The following PLAC1 variants were observed in gnomAD, a reference collection of about 807,000 sequenced individuals.
The protein encoded by PLAC1 is placenta associated 1, also known as placenta-specific protein 1.
For synonymous variants in PLAC1, 68 were observed against 62.1 expected (o/e 1.09, Z -0.44); for missense variants, 136 against 163.2 (o/e 0.83, Z 0.91).
intron 2 of PLAC1, among the ~76,000 whole-genome samples, chrX:134,667,238 C>T (rs1476415533): frequency 2.7e-5 from 3 of 111,926 alleles, no homozygotes; most frequent in Non-Finnish European, 5.6e-5. Flanking sequence ...GAAGAGACCA[C>T]CCATGGAATG....
chrX:134,675,191 A>C (rs955262164), intron 2 of PLAC1, among the ~76,000 whole-genome samples: 10 of 112,319 alleles, frequency 8.9e-5, no homozygotes, highest in Admixed American at 3.8e-4. Context: ...GAGTTGGCTC[A>C]TAATTAAGAA....
intron 2 of PLAC1, among the ~76,000 whole-genome samples, chrX:134,684,160 C>G (rs1223410401): frequency 2.7e-5 from 3 of 110,850 alleles, no homozygotes; most frequent in African/African-American, 9.9e-5. Context: ...GGTAGGCTTA[C>G]CAAAGTCTCA....
At chrX:134,640,342 T>TG (rs774155693) in intron 1 of PLAC1, among the ~76,000 whole-genome samples, 1 of 111,286 alleles carries the variant, frequency 9.0e-6, no homozygotes, top group Admixed American at 9.6e-5. Context: ...GGGTTGTTTC[T>TG]GGGGGGTCCA....
At chrX:134,752,936 C>T (rs1157341272) in intron 1 of PLAC1, among the ~76,000 whole-genome samples, 1 of 111,358 alleles carries the variant, frequency 9.0e-6, no homozygotes, top group Non-Finnish European at 1.9e-5. Context: ...AAAATAACTC[C>T]CAAAGTGAGC....
At chrX:134,732,483 C>T (rs1421147450) in intron 2 of PLAC1, among the ~76,000 whole-genome samples, 1 of 111,509 alleles carries the variant, frequency 9.0e-6, no homozygotes, top group Non-Finnish European at 1.9e-5. Context: ...CACTCCTCGC[C>T]AACAGTTTGT....
At chrX:134,584,411 G>A (rs1283030632) in intron 2 of PLAC1, among the ~76,000 whole-genome samples, 1 of 111,608 alleles carries the variant, frequency 9.0e-6, no homozygotes, top group Non-Finnish European at 1.9e-5. Flanking sequence ...CCCACCAGTC[G>A]ACTTCCATTT....
At chrX:134,658,292 C>T (rs919072458) in intron 1 of PLAC1, 36 bp downstream of exon 1, 2 of 112,399 alleles carry the variant, frequency 1.8e-5, no homozygotes, top group Non-Finnish European at 3.8e-5. Flanking sequence ...CATAAAATCT[C>T]GAGAGAATGT....
At chrX:134,705,756 A>G (rs969114259) in intron 2 of PLAC1, among the ~76,000 whole-genome samples, 5 of 112,073 alleles carry the variant, frequency 4.5e-5, no homozygotes, top group Admixed American at 3.8e-4. Context: ...TACACACACA[A>G]CAGTTGTATA....
intron 2 of PLAC1, among the ~76,000 whole-genome samples, chrX:134,687,481 G>T (rs1396343438): frequency 9.1e-6 from 1 of 110,027 alleles, no homozygotes; most frequent in Non-Finnish European, 1.9e-5. Flanking sequence ...ATGTGGCCCA[G>T]GGAAGCCAAA....
At position 134,566,494 on chromosome X, in the gene PLAC1, T is replaced by C; in HGVS notation, c.189A>G (p.Pro63=). The change falls in exon 3 of 3, where the codon CCA becomes CCG. Residue 63 remains proline (P), a synonymous_variant. Coordinates refer to ENST00000359237, the MANE Select transcript of PLAC1 (RefSeq NM_021796.4). ...HELHLGLGCP[P]NHVQPHAYQF... ...GGTAGGCGTGTGGCTGAACATGGTT[T>C]GGGGGGCAACCCAGGCCCAAGTGTA... 8.3e-7 allele frequency: 1 copy of C among 1,211,830 alleles called. No individual in the cohort carries two copies. The highest frequency in any genetic ancestry group is 1.1e-6 in the Non-Finnish European group (1 of 895,384).
intron 2 of PLAC1, among the ~76,000 whole-genome samples, chrX:134,583,161 C>T (rs1482312286): frequency 9.0e-6 from 1 of 111,472 alleles, no homozygotes; most frequent in African/African-American, 3.3e-5. Flanking sequence ...CACATGGAAA[C>T]AGAGTTCATA....
chrX:134,690,299 G>C (rs1052581909), intron 2 of PLAC1, among the ~76,000 whole-genome samples: 1 of 112,300 alleles, frequency 8.9e-6, no homozygotes, highest in Admixed American at 9.4e-5. Flanking sequence ...AAAATATGAA[G>C]TTTGTGTGTT....
chrX:134,740,335 A>G (rs1465246078), intron 1 of PLAC1, among the ~76,000 whole-genome samples: 1 of 109,780 alleles, frequency 9.1e-6, no homozygotes, highest in East Asian at 2.8e-4. Flanking sequence ...AAAAAAAAAA[A>G]CTAATTCAAT....
intron 2 of PLAC1, among the ~76,000 whole-genome samples, chrX:134,693,852 G>A (rs925154769): frequency 3.6e-5 from 4 of 111,376 alleles, no homozygotes; most frequent in Non-Finnish European, 7.5e-5. Context: ...TTCTCATGGT[G>A]AGATTCTCAT....
intron 1 of PLAC1, among the ~76,000 whole-genome samples, chrX:134,609,233 C>T (rs904656246): frequency 4.5e-5 from 5 of 111,804 alleles, no homozygotes; most frequent in East Asian, 2.8e-4. Context: ...CTCATCCTCC[C>T]TCTTCAGGTC....
intron 1 of PLAC1, among the ~76,000 whole-genome samples, chrX:134,653,417 A>G (rs748575048): frequency 1.8e-5 from 2 of 112,522 alleles, no homozygotes; most frequent in African/African-American, 3.2e-5. Flanking sequence ...CCTCTGAGAC[A>G]CTTTGATTTA....
chrX:134,703,031 G>A (rs1297247854), intron 2 of PLAC1, among the ~76,000 whole-genome samples: 1 of 112,182 alleles, frequency 8.9e-6, no homozygotes, highest in East Asian at 2.8e-4. Flanking sequence ...GTGTTAAATT[G>A]TGTATAGGCA....
intron 2 of PLAC1, among the ~76,000 whole-genome samples, chrX:134,681,482 C>T (rs950595981): frequency 9.8e-5 from 11 of 111,788 alleles, no homozygotes; most frequent in African/African-American, 3.6e-4. Context: ...TGTGCACATA[C>T]ACATTCCTTA....
At chrX:134,642,183 G>A (rs757265182) in intron 1 of PLAC1, among the ~76,000 whole-genome samples, 34 of 112,283 alleles carry the variant, frequency 3.0e-4, no homozygotes, top group Non-Finnish European at 5.8e-4. Context: ...GGTAGAATGC[G>A]CAGAACACGT....
Sources: gnomAD v4.1 joint callset for allele counts (sites outside exome capture counted in the v4.1 genomes callset) on GRCh38, gnomAD v4.1.1 for gene constraint, MANE v1.5 for transcripts, NCBI Gene and HGNC (gene_info 2026-07-23, HGNC 2026-07-21) for gene names.